The following SLC24A3 variants were observed in gnomAD, a reference collection of about 807,000 sequenced individuals.
SLC24A3 encodes the protein sodium/potassium/calcium exchanger 3.
Under a neutral mutation model 75.8 loss-of-function variants are expected in SLC24A3, and 28 were observed. The ratio of observed to expected loss-of-function variants is 0.37; its 90% CI spans 0.27 to 0.51. The LOEUF (loss-of-function observed/expected upper bound fraction) is 0.51, where lower values mean the gene tolerates loss of function less well. SLC24A3 is among the 20% of genes least tolerant of loss of function. The pLI, the probability that SLC24A3 is intolerant of heterozygous loss-of-function variation, is 0.94. For missense variants in SLC24A3, 663 were observed against 847.8 expected, an observed-to-expected ratio of 0.78 and a Z score of 2.71; for synonymous variants, 372 against 334.1, an observed-to-expected ratio of 1.11 and a Z score of -1.24.
intron 2 of SLC24A3, among the ~76,000 whole-genome samples, chr20:19,293,109 T>C (rs1322474567): frequency 2.0e-5 from 3 of 151,906 alleles, no homozygotes; most frequent in Non-Finnish European, 4.4e-5. Context: ...CGTAGGACCA[T>C]TGAGGTGGGA....
At chr20:19,717,255 G>A (rs191707120) in intron 15 of SLC24A3, among the ~76,000 whole-genome samples, 364 of 152,358 alleles carry the variant, frequency 2.4e-3, no homozygotes, top group African/African-American at 8.1e-3. Context: ...TCAGGTGGCC[G>A]TGGGGCACTC....
At chr20:19,613,589 T>C (rs1191125607) in intron 6 of SLC24A3, among the ~76,000 whole-genome samples, 2 of 152,236 alleles carry the variant, frequency 1.3e-5, no homozygotes, top group African/African-American at 4.8e-5. Context: ...GATCAATTCC[T>C]GGGCGTCACT....
chr20:19,416,704 T>A (rs1986833998), intron 2 of SLC24A3, among the ~76,000 whole-genome samples: 1 of 151,972 alleles, frequency 6.6e-6, no homozygotes, highest in Admixed American at 6.6e-5. Flanking sequence ...AATAGGAGAG[T>A]TGAGTAGGAA....
At chr20:19,545,259 G>C (rs1178029561) in intron 3 of SLC24A3, among the ~76,000 whole-genome samples, 1 of 152,274 alleles carries the variant, frequency 6.6e-6, no homozygotes, top group East Asian at 1.9e-4. Context: ...ATATGAGTTC[G>C]TGAGCAGTCC....
intron 2 of SLC24A3, among the ~76,000 whole-genome samples, chr20:19,453,270 A>T (rs2143504): frequency 6.6e-6 from 1 of 151,996 alleles, no homozygotes; most frequent in Non-Finnish European, 1.5e-5. Context: ...GGATTGTTTG[A>T]GCCCAGGAGT....
intron 2 of SLC24A3, among the ~76,000 whole-genome samples, chr20:19,361,469 A>G (rs1175952339): frequency 6.6e-6 from 1 of 152,214 alleles, no homozygotes; most frequent in Non-Finnish European, 1.5e-5. Flanking sequence ...AGAAAGTAGG[A>G]TCCTAAGGAA....
chr20:19,715,741 T>G (rs2033039027), intron 15 of SLC24A3, among the ~76,000 whole-genome samples: 1 of 152,122 alleles, frequency 6.6e-6, no homozygotes, highest in South Asian at 2.1e-4. Context: ...AGAGGTACCT[T>G]AAACCCTGTC....
chr20:19,368,107 T>C (rs1408663162), intron 2 of SLC24A3, among the ~76,000 whole-genome samples: 1 of 152,214 alleles, frequency 6.6e-6, no homozygotes, highest in Non-Finnish European at 1.5e-5. Flanking sequence ...TGTGAGTGTG[T>C]GTGTGTGTGT....
chr20:19,342,742 C>T (rs1042721283), intron 2 of SLC24A3, among the ~76,000 whole-genome samples: 5 of 152,176 alleles, frequency 3.3e-5, no homozygotes, highest in South Asian at 2.1e-4. Flanking sequence ...GAGATAACGT[C>T]GAAGGTGGGT....
rs1284666838 is a variant in SLC24A3, at chr20:19,282,923, TAACTC to T, written c.271+1838_271+1842del. On this transcript the variant is annotated intron_variant, in intron 2 of 16. Transcript: ENST00000328041. Reference sequence around the variant, plus strand: ...TTCAAAGTCATTCCAAGAGTGGAAATAACTCAGCCTCACAGATAGAAAAGAAAATG... The same window carrying T: ...TTCAAAGTCATTCCAAGAGTGGAAATAGCCTCACAGATAGAAAAGAAAATG... Among the ~76,000 whole-genome samples the T allele has an allele frequency of 4.6e-5, 7 of 152,070 alleles. No individual in the cohort carries two copies. The East Asian group carries it at 5.8e-4, about 13-fold the overall frequency.
At chr20:19,646,889 T>G (rs1361893845) in intron 6 of SLC24A3, among the ~76,000 whole-genome samples, 1 of 148,822 alleles carries the variant, frequency 6.7e-6, no homozygotes, top group Non-Finnish European at 1.5e-5. Context: ...TCTCTGAATA[T>G]TGGATTACTG....
At chr20:19,669,728 A>G (rs771793169) in intron 8 of SLC24A3, among the ~76,000 whole-genome samples, 9 of 151,970 alleles carry the variant, frequency 5.9e-5, no homozygotes, top group Non-Finnish European at 1.3e-4. Context: ...TGCAACCTGG[A>G]AACTCTTCTT....
chr20:19,299,628 T>C (rs1364853304), intron 2 of SLC24A3, among the ~76,000 whole-genome samples: 1 of 152,220 alleles, frequency 6.6e-6, no homozygotes, highest in African/African-American at 2.4e-5. Flanking sequence ...TTTCTAGAAG[T>C]GTTGCTGGGG....
intron 10 of SLC24A3, 49 bp from the exon 11 acceptor site, chr20:19,684,127 C>T: frequency 6.3e-7 from 1 of 1,584,334 alleles, no homozygotes; most frequent in Non-Finnish European, 8.6e-7. Context: ...TGCCTCTTTC[C>T]TGCTCCTGGC....
At chr20:19,647,383 C>A (rs1418194680) in intron 6 of SLC24A3, among the ~76,000 whole-genome samples, 1 of 152,192 alleles carries the variant, frequency 6.6e-6, no homozygotes, top group East Asian at 1.9e-4. Context: ...TTAAATTACC[C>A]TAAATGTCCT....
At chr20:19,498,795 A>G (rs964037793) in intron 2 of SLC24A3, among the ~76,000 whole-genome samples, 14 of 152,132 alleles carry the variant, frequency 9.2e-5, no homozygotes, top group Non-Finnish European at 2.1e-4. Flanking sequence ...TCCCTTTAAG[A>G]CTGGTTAAAT....
chr20:19,602,458 A>G (rs1325574459), intron 6 of SLC24A3, among the ~76,000 whole-genome samples: 1 of 151,954 alleles, frequency 6.6e-6, no homozygotes, highest in Non-Finnish European at 1.5e-5. Context: ...AAAACCCTCT[A>G]CCTTCTCCTT....
At chr20:19,472,974 C>T (rs568801002) in intron 2 of SLC24A3, among the ~76,000 whole-genome samples, 3 of 152,236 alleles carry the variant, frequency 2.0e-5, no homozygotes, top group Non-Finnish European at 4.4e-5. Context: ...TTGAACAGCA[C>T]ACTTGCTGGC....
intron 6 of SLC24A3, among the ~76,000 whole-genome samples, chr20:19,627,853 A>G (rs1263559226): frequency 6.6e-6 from 1 of 152,160 alleles, no homozygotes; most frequent in Non-Finnish European, 1.5e-5. Context: ...TAGCACAGGT[A>G]GGAGCAAATT....
Sources: allele counts gnomAD v4.1 joint callset (sites outside exome capture counted in the v4.1 genomes callset), GRCh38; gene constraint gnomAD v4.1.1; transcripts MANE v1.5; gene names NCBI Gene and HGNC (gene_info 2026-07-23, HGNC 2026-07-21).